The following DMXL2 variants were observed in gnomAD, a reference collection of about 807,000 sequenced individuals.
DMXL2 encodes dmX-like protein 2.
Under a neutral mutation model 331.1 loss-of-function variants are expected in DMXL2, and 103 were observed. The ratio of observed to expected loss-of-function variants is 0.31; its 90% CI spans 0.27 to 0.37. The LOEUF (loss-of-function observed/expected upper bound fraction) is 0.37. Among genes scored for constraint, DMXL2 ranks in the 10% least tolerant of loss-of-function variants. The probability of loss-of-function intolerance (pLI) is 1.00; values close to 1 mark genes in which losing one functional copy is unlikely to be tolerated. For synonymous variants in DMXL2, 1,281 were observed against 1,252.1 expected (o/e 1.02, Z -0.49); for missense variants, 3,171 against 3,642.9 (o/e 0.87, Z 3.33).
In DMXL2 at chr15:51,595,103, T is replaced by C. The variant is rs540880920; in HGVS notation, c.88-18922A>G. ...AGGCAGGAGAAGGAAATAAAGGGTA[T>C]TCAATTAGGAAAAGAGGAAGTCAAA... On this transcript the variant is annotated intron_variant, in intron 1 of 43. Coordinates refer to ENST00000560891, the MANE Select transcript of DMXL2 (RefSeq NM_001378457.1). Among the ~76,000 whole-genome samples the C allele has an allele frequency of 8.5e-5, 13 of 152,302 alleles. No individual in the cohort carries two copies. In the South Asian group the frequency reaches 2.5e-3, roughly 29 times the overall value.
intron 6 of DMXL2, among the ~76,000 whole-genome samples, chr15:51,552,383 G>A (rs2049277607): frequency 6.6e-6 from 1 of 152,216 alleles, no homozygotes; most frequent in African/African-American, 2.4e-5. Context: ...GACACAGGTA[G>A]TGGCAGTGGA....
chr15:51,484,156 C>A (rs1439113699), intron 23 of DMXL2, among the ~76,000 whole-genome samples: 8 of 152,184 alleles, frequency 5.3e-5, no homozygotes, highest in Non-Finnish European at 1.0e-4. Context: ...TTATCCCCAC[C>A]CCTAACAGAC....
chr15:51,574,105 A>G (rs1056951075), intron 2 of DMXL2, among the ~76,000 whole-genome samples: 3 of 152,152 alleles, frequency 2.0e-5, no homozygotes, highest in African/African-American at 7.2e-5. Flanking sequence ...AATACAAAAA[A>G]CAGGCTAAGG....
intron 1 of DMXL2, among the ~76,000 whole-genome samples, chr15:51,602,610 C>T (rs894380426): frequency 6.6e-5 from 10 of 152,164 alleles, no homozygotes; most frequent in African/African-American, 2.4e-4. Context: ...CCAGGCTGTG[C>T]AAGCATAATC....
intron 1 of DMXL2, among the ~76,000 whole-genome samples, chr15:51,613,013 G>C (rs370159730): frequency 2.0e-5 from 3 of 152,310 alleles, no homozygotes; most frequent in African/African-American, 4.8e-5. Context: ...AGAGAAATAT[G>C]GCTCTGTTCC....
At chr15:51,489,269 T>G (rs1370037561) in intron 20 of DMXL2, among the ~76,000 whole-genome samples, 1 of 152,204 alleles carries the variant, frequency 6.6e-6, no homozygotes, top group Non-Finnish European at 1.5e-5. Flanking sequence ...AGTGGATGTT[T>G]TATTAATTAG....
In DMXL2 at chr15:51,465,589, G is replaced by A; in HGVS notation, c.7583C>T (p.Pro2528Leu). Reference sequence around the variant, plus strand: ...ACCAGAGAATTCCAGTCCAGCAATAGGAAAGAAATTCTTGACATTGTGAAG... The same window carrying A: ...ACCAGAGAATTCCAGTCCAGCAATAAGAAAGAAATTCTTGACATTGTGAAG... ...LALHNVKNFF[P>L]IAGLEFSELP... The change falls in exon 31 of 44, where the codon CCT becomes CTT. Residue 2528 changes from proline (P) to leucine (L), a missense_variant. Pro to Leu is a moderately conservative substitution (Grantham distance 98, BLOSUM62 -3). This residue lies in a region of DMXL2 where 766 missense variants were observed against 940.5 expected (regional missense o/e 0.81). Coordinates refer to ENST00000560891, the MANE Select transcript of DMXL2 (RefSeq NM_001378457.1). 6.2e-7 allele frequency: 1 copy of A among 1,606,478 alleles called. No individual in the cohort carries two copies. Among genetic ancestry groups the A allele is most frequent in the African/African-American group, 1.3e-5 (1 of 74,464 alleles).
intron 1 of DMXL2, among the ~76,000 whole-genome samples, chr15:51,613,684 T>C (rs1430448740): frequency 1.8e-4 from 28 of 152,236 alleles, no homozygotes. Context: ...CTGAATTCTT[T>C]GGGGTTTTTA....
At chr15:51,619,068 T>C (rs971077353) in intron 1 of DMXL2, among the ~76,000 whole-genome samples, 1 of 152,212 alleles carries the variant, frequency 6.6e-6, no homozygotes, top group Admixed American at 6.5e-5. Flanking sequence ...TATTTTAATA[T>C]GTGCAGTAAA....
intron 19 of DMXL2, among the ~76,000 whole-genome samples, chr15:51,492,813 C>CACATTACA (rs2140444656): frequency 6.6e-6 from 1 of 152,314 alleles, no homozygotes; most frequent in East Asian, 1.9e-4. Flanking sequence ...CAATGAAAGT[C>CACATTACA]ACATTACAAC....
chr15:51,605,346 G>A (rs543389961), intron 1 of DMXL2, among the ~76,000 whole-genome samples: 4 of 150,726 alleles, frequency 2.7e-5, no homozygotes, highest in East Asian at 1.9e-4. Context: ...GACTACAGGC[G>A]TGTGCCACCA....
intron 1 of DMXL2, among the ~76,000 whole-genome samples, chr15:51,589,029 C>A (rs2052084007): frequency 6.6e-6 from 1 of 152,126 alleles, no homozygotes; most frequent in South Asian, 2.1e-4. Context: ...TGATGTTTCC[C>A]CTCCTCACAG....
chr15:51,610,654 G>A (rs1871756997), intron 1 of DMXL2, among the ~76,000 whole-genome samples: 2 of 151,912 alleles, frequency 1.3e-5, no homozygotes, highest in Non-Finnish European at 2.9e-5. Context: ...TGTAGTCCCA[G>A]CTACTTGGGA....
In DMXL2 at chr15:51,456,278, C is replaced by G. The variant is rs527513265; in HGVS notation, c.8398+31G>C. Reference sequence around the variant, plus strand: ...CTATAAATCAACCTCCAAATGAGGACACTTACAATTATTAGGTCATAAATA... The same window carrying G: ...CTATAAATCAACCTCCAAATGAGGAGACTTACAATTATTAGGTCATAAATA... On this transcript the variant is annotated intron_variant, in intron 38 of 43. Coordinates refer to ENST00000560891, the MANE Select transcript of DMXL2 (RefSeq NM_001378457.1). 5 of 1,595,562 alleles carry G rather than the reference C, an allele frequency of 3.1e-6. No individual in the cohort carries two copies. The South Asian group carries it at 5.7e-5, about 18-fold the overall frequency.
chr15:51,568,661 A>T (rs1275569000), intron 2 of DMXL2, 103 bp from the exon 3 acceptor site: 4 of 749,622 alleles, frequency 5.3e-6, no homozygotes. Flanking sequence ...ATCTCAATAC[A>T]GTATTCATGG....
At chr15:51,588,363 T>C (rs2052020152) in intron 1 of DMXL2, among the ~76,000 whole-genome samples, 1 of 152,128 alleles carries the variant, frequency 6.6e-6, no homozygotes, top group Non-Finnish European at 1.5e-5. Context: ...TTCACCATGT[T>C]GTCCAGGCTA....
chr15:51,458,378 T>TA, intron 36 of DMXL2, 128 bp downstream of exon 36: 1 of 995,974 alleles, frequency 1.0e-6, no homozygotes, highest in East Asian at 2.5e-5. Flanking sequence ...CTAAACCAAT[T>TA]ATATTTGTCA....
At position 51,449,114 on chromosome 15, in the gene DMXL2, C is replaced by T. The variant is rs1340504749; in HGVS notation, c.9047G>A (p.Gly3016Glu). 3.7e-6 allele frequency: 6 copies of T among 1,614,114 alleles called. No homozygotes were observed. The Admixed American group carries it at 1.0e-4, about 27-fold the overall frequency. Reference sequence around the variant, plus strand: ...GATGTCAATCTGCATGACTCCAGCCCCAATGTTTCGAAATATGGACTGCTT... The same window carrying T: ...GATGTCAATCTGCATGACTCCAGCCTCAATGTTTCGAAATATGGACTGCTT... ...HAKQSIFRNI[G>E]AGVMQIDIIQ... The change falls in exon 44 of 44, where the codon GGG becomes GAG. Residue 3016 changes from glycine (G) to glutamate (E), a missense_variant. By Grantham distance (98) the Gly-to-Glu change is moderately conservative (BLOSUM62 -2). This residue lies in a region of DMXL2 where 766 missense variants were observed against 940.5 expected (regional missense o/e 0.81). Transcript: ENST00000560891.
chr15:51,481,650 C>A (rs746228814), intron 23 of DMXL2, 27 bp from the exon 24 acceptor site: 2 of 1,508,914 alleles, frequency 1.3e-6, no homozygotes, highest in East Asian at 2.3e-5. Flanking sequence ...GATAAAATCA[C>A]AAAGCATTGT....
Sources: allele counts gnomAD v4.1 joint callset (sites outside exome capture counted in the v4.1 genomes callset), GRCh38; gene constraint gnomAD v4.1.1; regional missense constraint gnomAD v4.1.1; transcripts MANE v1.5; gene names NCBI Gene and HGNC (gene_info 2026-07-23, HGNC 2026-07-21).